PCCB: variants seen among roughly 807,000 people sequenced by gnomAD.
PCCB encodes propionyl-CoA carboxylase beta chain, mitochondrial.
In PCCB, 43 loss-of-function variants were observed where a neutral mutation model predicts 60.7. The observed-to-expected ratio is 0.71, with a 90% CI of 0.55 to 0.91. The LOEUF (loss-of-function observed/expected upper bound fraction) is 0.91, where lower values mean the gene tolerates loss of function less well. PCCB is among the 40% of genes least tolerant of loss of function. The probability of loss-of-function intolerance (pLI) is 0.00; values close to 1 mark genes in which losing one functional copy is unlikely to be tolerated. For missense variants in PCCB, 766 were observed against 702.8 expected, an observed-to-expected ratio of 1.09 and a Z score of -1.02; for synonymous variants, 276 against 255.9, an observed-to-expected ratio of 1.08 and a Z score of -0.75.
intron 11 of PCCB, 77 bp downstream of exon 11, chr3:136,326,987 G>T (rs1464703420): frequency 1.7e-6 from 2 of 1,159,230 alleles, no homozygotes; most frequent in Non-Finnish European, 2.6e-6. Context: ...AGATCTTCTT[G>T]CAGAACTCCC....
Position 136,327,621 on chromosome 3 carries a change from G to T in PCCB, c.1300-13G>T, listed in dbSNP as rs1320397998. 2 of 1,592,218 alleles carry T rather than the reference G, an allele frequency of 1.3e-6. No homozygotes were observed. Among genetic ancestry groups the T allele is most frequent in the South Asian group, 1.1e-5 (1 of 90,632 alleles). ...TCTCAGGCTCTAACACTCAGCATTTGGATCTGTTTTAGGCCTATGGAGGTG... is the reference window on the plus strand; with the variant it reads ...TCTCAGGCTCTAACACTCAGCATTTTGATCTGTTTTAGGCCTATGGAGGTG... On this transcript the variant is annotated splice_polypyrimidine_tract_variant and intron_variant, in intron 12 of 14. Coordinates refer to ENST00000251654, the MANE Select transcript of PCCB (RefSeq NM_000532.5).
At chr3:136,292,792 A>T (rs184718333) in intron 6 of PCCB, among the ~76,000 whole-genome samples, 1 of 152,332 alleles carries the variant, frequency 6.6e-6, no homozygotes, top group Admixed American at 6.5e-5. Context: ...ATATAAATGC[A>T]CATGGATGCA....
chr3:136,323,359 T>C (rs1247848345), intron 10 of PCCB, among the ~76,000 whole-genome samples: 1 of 152,234 alleles, frequency 6.6e-6, no homozygotes, highest in Non-Finnish European at 1.5e-5. Flanking sequence ...CCTGCTCAAA[T>C]CTCCTATTGA....
chr3:136,288,544 C>T (rs1182531611), intron 6 of PCCB, among the ~76,000 whole-genome samples: 2 of 151,444 alleles, frequency 1.3e-5, no homozygotes, highest in Non-Finnish European at 2.9e-5. Flanking sequence ...GAGAACTGGT[C>T]TCACTGTGTT....
At chr3:136,268,420 T>C (rs1942096265) in intron 5 of PCCB, among the ~76,000 whole-genome samples, 1 of 151,624 alleles carries the variant, frequency 6.6e-6, no homozygotes, top group Non-Finnish European at 1.5e-5. Flanking sequence ...TCTTGATTAC[T>C]GTAGTTTATA....
At chr3:136,288,008 A>T (rs1011823265) in intron 6 of PCCB, among the ~76,000 whole-genome samples, 1 of 152,216 alleles carries the variant, frequency 6.6e-6, no homozygotes, top group African/African-American at 2.4e-5. Context: ...CTTGTTTCAC[A>T]TCCTTGCCAG....
chr3:136,264,892 A>AG (rs1165053465), intron 5 of PCCB, among the ~76,000 whole-genome samples: 1 of 147,398 alleles, frequency 6.8e-6, no homozygotes, highest in African/African-American at 2.5e-5. Flanking sequence ...AAAAAAAAAA[A>AG]AAAGAGCTTA....
chr3:136,314,090 G>A (rs1448642789), intron 9 of PCCB, among the ~76,000 whole-genome samples: 1 of 152,120 alleles, frequency 6.6e-6, no homozygotes, highest in Non-Finnish European at 1.5e-5. Flanking sequence ...ATGGCTGATT[G>A]TAGGGCTGGG....
intron 6 of PCCB, among the ~76,000 whole-genome samples, chr3:136,292,039 G>T (rs1182717349): frequency 1.3e-5 from 2 of 152,122 alleles, no homozygotes; most frequent in Non-Finnish European, 2.9e-5. Flanking sequence ...GCCCTGCAAG[G>T]CTCAATTTTC....
chr3:136,328,724 G>A (rs370398379), intron 13 of PCCB, 34 bp from the exon 14 acceptor site: 20 of 1,552,938 alleles, frequency 1.3e-5, no homozygotes, highest in East Asian at 4.5e-5. Context: ...AGGTTGGGAC[G>A]ACCAAAGATG....
rs367636265 is a variant in PCCB, at chr3:136,256,493, G to A, written c.304-62G>A. Reference sequence around the variant, plus strand: ...TTTTGTCTTTCATTGAGGCATAGTGGCCAAACTCATTAGAAGAAGTATTTG... The same window carrying A: ...TTTTGTCTTTCATTGAGGCATAGTGACCAAACTCATTAGAAGAAGTATTTG... On this transcript the variant is annotated intron_variant, in intron 2 of 14. Transcript: ENST00000251654. 7 of 1,228,114 alleles carry A rather than the reference G, an allele frequency of 5.7e-6. No homozygotes were observed. The African/African-American group carries it at 7.4e-5, about 13-fold the overall frequency. 76.1% of individuals were successfully genotyped at this position (1,228,114 alleles called of 1,614,324 possible). A position where few individuals can be genotyped will look rare whatever the true frequency, so the allele number is the denominator to read the frequency against.
intron 6 of PCCB, among the ~76,000 whole-genome samples, chr3:136,289,250 AATC>A (rs1470191548): frequency 6.6e-6 from 1 of 152,132 alleles, no homozygotes; most frequent in African/African-American, 2.4e-5. Context: ...CTTCAACTGT[AATC>A]ATGGATTCAT....
chr3:136,315,571 C>T (rs1365936148), intron 9 of PCCB, among the ~76,000 whole-genome samples: 1 of 152,152 alleles, frequency 6.6e-6, no homozygotes, highest in Non-Finnish European at 1.5e-5. Flanking sequence ...TGGCTCATGC[C>T]TGTAATCTCA....
intron 5 of PCCB, among the ~76,000 whole-genome samples, chr3:136,280,590 C>T (rs1267112972): frequency 6.6e-6 from 1 of 152,250 alleles, no homozygotes; most frequent in Non-Finnish European, 1.5e-5. Flanking sequence ...AAGCAGTTCA[C>T]CTGCCTTGGT....
At chr3:136,299,212 A>G (rs528223547) in intron 8 of PCCB, among the ~76,000 whole-genome samples, 1 of 152,112 alleles carries the variant, frequency 6.6e-6, no homozygotes, top group African/African-American at 2.4e-5. Flanking sequence ...ATATGTATAC[A>G]TATATATATG....
chr3:136,293,830 G>A lies in PCCB; in HGVS notation c.729G>A (p.Glu243=). The A allele has an allele frequency of 6.2e-7, 1 of 1,611,882 alleles. No homozygotes were observed. The highest frequency in any genetic ancestry group is 8.5e-7 in the Non-Finnish European group (1 of 1,178,000). Residue 243 remains glutamate, a synonymous_variant, in exon 7 of 15, where the codon GAG becomes GAA. Coordinates refer to ENST00000251654, the MANE Select transcript of PCCB (RefSeq NM_000532.5). ...SVTNEDVTQE[E]LGGAKTHTTM... is the part of the protein sequence containing the mutation. ...CCAATGAGGATGTTACCCAGGAGGAGCTCGGTGGTGCCAAGACCCACACCA... is the reference window on the plus strand; with the variant it reads ...CCAATGAGGATGTTACCCAGGAGGAACTCGGTGGTGCCAAGACCCACACCA...
Position 136,255,916 on chromosome 3 carries a change from A to G in PCCB, c.244A>G (p.Ser82Gly). 6.2e-7 allele frequency: 1 copy of G among 1,614,216 alleles called. No individual in the cohort carries two copies. ...GCTGGACCCTGGCAGCTTTGTTGAG[A>G]GCGACATGTTTGTGGAACACAGATG... ...LLLDPGSFVE[S>G]DMFVEHRCAD... Residue 82 changes from serine to glycine, a missense_variant, in exon 2 of 15, where the codon AGC becomes GGC. Coordinates refer to ENST00000251654, the MANE Select transcript of PCCB (RefSeq NM_000532.5).
chr3:136,318,060 T>C (rs1249090415), intron 10 of PCCB, among the ~76,000 whole-genome samples: 3 of 152,180 alleles, frequency 2.0e-5, no homozygotes, highest in African/African-American at 7.2e-5. Context: ...CTGTTTTGGC[T>C]GGGTGTGGTG....
Position 136,262,083 on chromosome 3 carries a change from A to G in PCCB, c.543+18A>G, listed in dbSNP as rs1350271185. 1.4e-6 allele frequency: 2 copies of G among 1,459,380 alleles called. No homozygotes were observed. The highest frequency in any genetic ancestry group is 1.2e-5 in the South Asian group (1 of 82,230). 90.4% of individuals were successfully genotyped at this position (1,459,380 alleles called of 1,614,324 possible). A position where few individuals can be genotyped will look rare whatever the true frequency, so the allele number is the denominator to read the frequency against. On this transcript the variant is annotated intron_variant, in intron 5 of 14. Transcript: ENST00000251654. The stretch of plus-strand genomic sequence containing the variant: ...TCTTTCTGGTGAGAAACCTGTTAAT[A>G]GAGAATAAAAAAATACAGGGCTTAA...
Sources: allele counts gnomAD v4.1 joint callset (sites outside exome capture counted in the v4.1 genomes callset), GRCh38; gene constraint gnomAD v4.1.1; transcripts MANE v1.5; gene names NCBI Gene and HGNC (gene_info 2026-07-23, HGNC 2026-07-21).